SYTL4: variants seen among roughly 807,000 people sequenced by gnomAD.
SYTL4 encodes the protein synaptotagmin like 4, also known as synaptotagmin-like protein 4.
SYTL4 carries 16 observed loss-of-function variants against 52.7 expected under a neutral mutation model. The ratio of observed to expected loss-of-function variants is 0.30; its 90% CI spans 0.21 to 0.46. The LOEUF (loss-of-function observed/expected upper bound fraction) is 0.46. Among genes scored for constraint, SYTL4 ranks in the 20% least tolerant of loss-of-function variants. The probability of loss-of-function intolerance (pLI) is 1.00; values close to 1 mark genes in which losing one functional copy is unlikely to be tolerated. For synonymous variants in SYTL4, 160 were observed against 186.6 expected (o/e 0.86, Z 1.16); for missense variants, 423 against 519.9 (o/e 0.81, Z 1.81).
chrX:100,694,542 C>T (rs2083665784), intron 8 of SYTL4, among the ~76,000 whole-genome samples: 1 of 111,772 alleles, frequency 8.9e-6, no homozygotes, highest in Non-Finnish European at 1.9e-5. Context: ...AGTATATGTA[C>T]ACACATTCAT....
chrX:100,688,795 T>C (rs1389048260), intron 12 of SYTL4, among the ~76,000 whole-genome samples: 5 of 108,846 alleles, frequency 4.6e-5, no homozygotes, highest in African/African-American at 1.7e-4. Context: ...AAACTCCTGA[T>C]CTCAGGTGAT....
rs181367599 is a variant in SYTL4, at chrX:100,721,990, T to C, written c.-240+9428A>G. 7.2e-3 allele frequency among the ~76,000 whole-genome samples: 789 copies of C among 109,435 alleles called. 4 individuals carry two copies. The highest frequency in any genetic ancestry group is 0.029 in the South Asian group (73 of 2,496). The stretch of plus-strand genomic sequence containing the variant: ...CTAATTTTTGTATTTTTAGTAGAGA[T>C]GGGGTTTCACCATGTTGGCCAGACT... On this transcript the variant is annotated intron_variant, in intron 2 of 19. Coordinates refer to ENST00000372989, the MANE Select transcript of SYTL4 (RefSeq NM_001370165.1).
chrX:100,698,065 C>T (rs1425119955), intron 8 of SYTL4, among the ~76,000 whole-genome samples: 3 of 111,972 alleles, frequency 2.7e-5, no homozygotes, highest in Admixed American at 9.4e-5. Context: ...AGAATGATCA[C>T]CATTGAGTTA....
chrX:100,696,839 T>C (rs1316573622), intron 8 of SYTL4, among the ~76,000 whole-genome samples: 2 of 110,550 alleles, frequency 1.8e-5, no homozygotes, highest in Admixed American at 9.7e-5. Flanking sequence ...TCAACAATCA[T>C]ATGAAACATG....
chrX:100,731,786 G>A (rs1312600017), intron 1 of SYTL4, among the ~76,000 whole-genome samples: 1 of 112,043 alleles, frequency 8.9e-6, no homozygotes, highest in Non-Finnish European at 1.9e-5. Context: ...CCAAGCAGAC[G>A]GGAGTCCAAG....
intron 8 of SYTL4, among the ~76,000 whole-genome samples, chrX:100,698,385 G>A (rs2083760878): frequency 8.9e-6 from 1 of 112,053 alleles, no homozygotes; most frequent in South Asian, 3.8e-4. Context: ...TTACAGGAGT[G>A]AGCCACTGTG....
chrX:100,712,522 AG>A lies in SYTL4; in HGVS notation c.-239-7637del, dbSNP rs1442466899. ...AAGGGAAGTTTAGTGGAGAAATGGC[AG>A]TCTTTTCAACAAGTAGTGCTGGAAA... On this transcript the variant is annotated intron_variant, in intron 2 of 19. Coordinates refer to ENST00000372989, the MANE Select transcript of SYTL4 (RefSeq NM_001370165.1). 8.9e-5 allele frequency among the ~76,000 whole-genome samples: 10 copies of A among 112,278 alleles called. No homozygotes were observed. The East Asian group carries it at 2.8e-3, about 31-fold the overall frequency.
At chrX:100,723,729 G>C (rs995719369) in intron 2 of SYTL4, among the ~76,000 whole-genome samples, 3 of 107,849 alleles carry the variant, frequency 2.8e-5, no homozygotes, top group Admixed American at 1.9e-4. Flanking sequence ...GTCTCTGCCC[G>C]GCCGCCCCGT....
chrX:100,724,312 C>CA (rs2147838767), intron 2 of SYTL4, among the ~76,000 whole-genome samples: 1 of 104,926 alleles, frequency 9.5e-6, no homozygotes, highest in South Asian at 4.5e-4. Context: ...TCTGCCCGGC[C>CA]GCCCCTACTG....
chrX:100,683,292 G>A (rs978463395), intron 16 of SYTL4, among the ~76,000 whole-genome samples: 1 of 108,660 alleles, frequency 9.2e-6, no homozygotes, highest in Non-Finnish European at 1.9e-5. Flanking sequence ...GACTACAGGC[G>A]CACACCACCA....
chrX:100,723,319 G>A lies in SYTL4; in HGVS notation c.-240+8099C>T, dbSNP rs954241593. On this transcript the variant is annotated intron_variant, in intron 2 of 19. Transcript: ENST00000372989. ...ATTTTTTTGGTGGAGATGGGATTTC[G>A]CTGTGTTGGCCGGGCTGGTCTCCAG... Among the ~76,000 whole-genome samples the A allele has an allele frequency of 2.7e-5, 3 of 111,993 alleles. No homozygotes were observed. The Admixed American group carries it at 2.8e-4, about 11-fold the overall frequency.
chrX:100,716,558 A>G (rs747444181), intron 2 of SYTL4, among the ~76,000 whole-genome samples: 2 of 105,930 alleles, frequency 1.9e-5, no homozygotes, highest in African/African-American at 6.8e-5. Flanking sequence ...AAAAAAAAAA[A>G]AAAAAAAAGA....
chrX:100,724,517 G>A (rs992215134), intron 2 of SYTL4, among the ~76,000 whole-genome samples: 20 of 104,927 alleles, frequency 1.9e-4, no homozygotes, highest in African/African-American at 6.9e-4. Context: ...TTCATTTTGT[G>A]CTGTACTAAG....
At chrX:100,711,461 G>A (rs1014423057) in intron 2 of SYTL4, among the ~76,000 whole-genome samples, 9 of 111,403 alleles carry the variant, frequency 8.1e-5, no homozygotes, top group African/African-American at 2.3e-4. Context: ...AGGGGACATG[G>A]GAGATGTAAA....
intron 8 of SYTL4, among the ~76,000 whole-genome samples, chrX:100,699,815 A>C (rs771339447): frequency 6.4e-5 from 7 of 110,130 alleles, no homozygotes; most frequent in African/African-American, 2.3e-4. Context: ...TTAATAACCA[A>C]AAAGTAGAAA....
At chrX:100,704,406 G>A (rs1190322258) in intron 3 of SYTL4, among the ~76,000 whole-genome samples, 1 of 112,673 alleles carries the variant, frequency 8.9e-6, no homozygotes, top group African/African-American at 3.2e-5. Flanking sequence ...CTTCTAAAAT[G>A]ATAAAGGCCT....
chrX:100,683,024 G>A (rs1047380942), intron 16 of SYTL4, among the ~76,000 whole-genome samples: 1 of 110,177 alleles, frequency 9.1e-6, no homozygotes, highest in African/African-American at 3.3e-5. Context: ...GGCTTTGATT[G>A]GCAGAACTGC....
rs897393135 is a variant in SYTL4, at chrX:100,679,241, G to A, written c.1658+72C>T. Reference sequence around the variant, plus strand: ...TAAGACACACTGGATAATATCCACAGAGAAAGTTAAATTCTTCTCTTAGCT... The same window carrying A: ...TAAGACACACTGGATAATATCCACAAAGAAAGTTAAATTCTTCTCTTAGCT... On this transcript the variant is annotated intron_variant, in intron 18 of 19. Coordinates refer to ENST00000372989, the MANE Select transcript of SYTL4 (RefSeq NM_001370165.1). 6 of 895,216 alleles carry A rather than the reference G, an allele frequency of 6.7e-6. No individual in the cohort carries two copies. In the Admixed American group the frequency reaches 1.2e-4, roughly 18 times the overall value. The allele number at this position is 895,216 out of a possible 1,213,427, so 73.8% of individuals were successfully genotyped here.
chrX:100,686,772 C>A lies in SYTL4; in HGVS notation c.1194G>T (p.Lys398Asn). 1 of 1,207,108 alleles carries A rather than the reference C, an allele frequency of 8.3e-7. No homozygotes were observed. Among genetic ancestry groups the A allele is most frequent in the Non-Finnish European group, 1.1e-6 (1 of 891,579 alleles). The change falls in exon 15 of 20, where the codon AAG (lysine) becomes AAT (asparagine). Residue 398 changes from lysine to asparagine, a missense_variant. By Grantham distance (94) the Lys-to-Asn change is moderately conservative. Coordinates refer to ENST00000372989, the MANE Select transcript of SYTL4 (RefSeq NM_001370165.1). ...EAKKRSNPYV[K>N]TYLLPDKSRQ... ...GGGACTTGTCAGGCAGAAGGTAAGT[C>A]TTCACATATCTAGAAACCAAAGACA...
Sources: allele counts gnomAD v4.1 joint callset (sites outside exome capture counted in the v4.1 genomes callset), GRCh38; gene constraint gnomAD v4.1.1; transcripts MANE v1.5; gene names NCBI Gene and HGNC (gene_info 2026-07-23, HGNC 2026-07-21).